Variants in SIPA1L1 observed in about 807,000 individuals in gnomAD.
SIPA1L1 encodes the protein signal induced proliferation associated 1 like 1.
SIPA1L1 carries 26 observed loss-of-function variants against 162.7 expected under a neutral mutation model. The ratio of observed to expected loss-of-function variants is 0.16; its 90% confidence interval spans 0.12 to 0.22. SIPA1L1 has a LOEUF of 0.22. SIPA1L1 is among the 10% of genes least tolerant of loss of function. SIPA1L1 has a pLI of 1.00. For synonymous variants in SIPA1L1, 829 were observed against 837.4 expected, an observed-to-expected ratio of 0.99 and a Z score of 0.17; for missense variants, 1,874 against 2,241.0, an observed-to-expected ratio of 0.84 and a Z score of 3.31.
chr14:71,478,460 T>G (rs1303186327), intron 2 of SIPA1L1, among the ~76,000 whole-genome samples: 2 of 152,196 alleles, frequency 1.3e-5, no homozygotes, highest in African/African-American at 4.8e-5. Flanking sequence ...TATAAAGATT[T>G]TATGTTTTCT....
chr14:71,676,916 A>G (rs2045264167), intron 12 of SIPA1L1, among the ~76,000 whole-genome samples: 1 of 152,172 alleles, frequency 6.6e-6, no homozygotes, highest in Non-Finnish European at 1.5e-5. Context: ...TGCTATTGTG[A>G]ATAGTGCCGC....
chr14:71,729,959 G>C lies in SIPA1L1; in HGVS notation c.4615-96G>C. The C allele has an allele frequency of 2.2e-5, 30 of 1,350,048 alleles. 2 individuals carry two copies. In the South Asian group the frequency reaches 4.0e-4, roughly 18 times the overall value. The allele number at this position is 1,350,048 out of a possible 1,614,324, so 83.6% of individuals were successfully genotyped here. On this transcript the variant is annotated intron_variant, in intron 19 of 23. Coordinates refer to ENST00000381232, the MANE Select transcript of SIPA1L1 (RefSeq NM_001386936.1). ...AAGCTTCCTTGCTAGGGGTGTGTCTGGAGCAGTAACTTGGTTATCCCACCC... is the reference window on the plus strand; with the variant it reads ...AAGCTTCCTTGCTAGGGGTGTGTCTCGAGCAGTAACTTGGTTATCCCACCC...
intron 2 of SIPA1L1, among the ~76,000 whole-genome samples, chr14:71,398,619 C>T (rs938490393): frequency 2.0e-5 from 3 of 152,108 alleles, no homozygotes; most frequent in African/African-American, 4.8e-5. Flanking sequence ...TTTGTAATCT[C>T]GGAATGACTG....
intron 4 of SIPA1L1, among the ~76,000 whole-genome samples, chr14:71,562,062 A>AT (rs2056840558): frequency 1.3e-5 from 2 of 151,802 alleles, no homozygotes; most frequent in South Asian, 2.1e-4. Flanking sequence ...ATCTATTAAT[A>AT]TTTTTTCTGA....
chr14:71,344,209 G>C (rs1227475466), intron 2 of SIPA1L1, among the ~76,000 whole-genome samples: 2 of 152,186 alleles, frequency 1.3e-5, no homozygotes, highest in Non-Finnish European at 2.9e-5. Flanking sequence ...CAGTCATAGT[G>C]TTTCATATTA....
At chr14:71,524,440 C>A (rs1469585757) in intron 3 of SIPA1L1, among the ~76,000 whole-genome samples, 4 of 152,158 alleles carry the variant, frequency 2.6e-5, no homozygotes, top group Non-Finnish European at 5.9e-5. Flanking sequence ...GGAAACATTA[C>A]CATGGTTCTA....
chr14:71,388,495 C>T (rs552268756), intron 2 of SIPA1L1, among the ~76,000 whole-genome samples: 14 of 152,316 alleles, frequency 9.2e-5, no homozygotes, highest in African/African-American at 3.4e-4. Flanking sequence ...GCTATGAATG[C>T]ACCTAACTGA....
At position 71,498,932 on chromosome 14, in the gene SIPA1L1, A is replaced by G. The variant is rs74060363; in HGVS notation, c.-464-13811A>G. On this transcript the variant is annotated intron_variant, in intron 2 of 23. Coordinates refer to ENST00000381232, the MANE Select transcript of SIPA1L1 (RefSeq NM_001386936.1). ...TTAATTTATTAATTTTTGATGATGT[A>G]GTATTGCATACTTTTGCTGAAAAGC... Among the ~76,000 whole-genome samples the G allele has an allele frequency of 5.5e-3, 833 of 152,336 alleles. 10 individuals are homozygous for G. The highest frequency in any genetic ancestry group is 0.019 in the African/African-American group (807 of 41,578).
intron 2 of SIPA1L1, among the ~76,000 whole-genome samples, chr14:71,396,874 C>A (rs992671346): frequency 5.9e-5 from 9 of 152,124 alleles, no homozygotes; most frequent in African/African-American, 1.9e-4. Context: ...TGAGCAAATG[C>A]TATTCATTAT....
At chr14:71,582,780 A>G (rs1467519854) in intron 4 of SIPA1L1, among the ~76,000 whole-genome samples, 4 of 152,138 alleles carry the variant, frequency 2.6e-5, no homozygotes, top group African/African-American at 9.7e-5. Context: ...GTTTTTCTCA[A>G]CTCTTCCTGC....
chr14:71,520,465 A>G (rs1046740470), intron 3 of SIPA1L1, among the ~76,000 whole-genome samples: 1 of 152,224 alleles, frequency 6.6e-6, no homozygotes, highest in African/African-American at 2.4e-5. Flanking sequence ...TGGATAGGTC[A>G]GTGAATTTCA....
intron 12 of SIPA1L1, among the ~76,000 whole-genome samples, chr14:71,680,893 G>A (rs2045739771): frequency 6.6e-6 from 1 of 152,172 alleles, no homozygotes; most frequent in Admixed American, 6.5e-5. Context: ...TGGAAATGCA[G>A]CATCTGGACA....
At chr14:71,486,865 T>C (rs1469055007) in intron 2 of SIPA1L1, among the ~76,000 whole-genome samples, 1 of 152,232 alleles carries the variant, frequency 6.6e-6, no homozygotes, top group African/African-American at 2.4e-5. Flanking sequence ...TATTACGTGC[T>C]ACAAATTAAT....
intron 3 of SIPA1L1, among the ~76,000 whole-genome samples, chr14:71,519,737 C>G (rs1187922467): frequency 6.6e-6 from 1 of 151,710 alleles, no homozygotes; most frequent in Non-Finnish European, 1.5e-5. Flanking sequence ...GAGACTGAGG[C>G]AGGATTATTG....
intron 17 of SIPA1L1, among the ~76,000 whole-genome samples, chr14:71,712,375 C>G (rs1221859166): frequency 3.3e-5 from 5 of 152,306 alleles, no homozygotes; most frequent in African/African-American, 9.6e-5. Flanking sequence ...TGGTAACTTT[C>G]TATAACTAAA....
chr14:71,538,133 T>C (rs1451164290), intron 4 of SIPA1L1, among the ~76,000 whole-genome samples: 2 of 152,202 alleles, frequency 1.3e-5, no homozygotes, highest in African/African-American at 4.8e-5. Context: ...ATTTGAACAG[T>C]TTTTATTTTT....
intron 4 of SIPA1L1, among the ~76,000 whole-genome samples, chr14:71,531,257 T>G (rs1291517973): frequency 6.6e-6 from 1 of 152,210 alleles, no homozygotes; most frequent in Non-Finnish European, 1.5e-5. Flanking sequence ...GCATCATTTT[T>G]CTGCATTGTG....
At chr14:71,691,153 C>A (rs1415423499) in intron 13 of SIPA1L1, among the ~76,000 whole-genome samples, 1 of 152,232 alleles carries the variant, frequency 6.6e-6, no homozygotes, top group African/African-American at 2.4e-5. Flanking sequence ...TAAACTGTTG[C>A]CAACAGCCTC....
At chr14:71,629,866 G>A (rs2040398401) in intron 7 of SIPA1L1, among the ~76,000 whole-genome samples, 1 of 152,220 alleles carries the variant, frequency 6.6e-6, no homozygotes, top group Non-Finnish European at 1.5e-5. Context: ...ATAAGGAAAT[G>A]AGCAATGTTT....
Sources: allele counts gnomAD v4.1 joint callset (sites outside exome capture counted in the v4.1 genomes callset), GRCh38; gene constraint gnomAD v4.1.1; transcripts MANE v1.5; gene names NCBI Gene and HGNC (gene_info 2026-07-23, HGNC 2026-07-21).